The following CD200R1L variants were observed in gnomAD, a reference collection of about 807,000 sequenced individuals.
The protein encoded by CD200R1L is cell surface glycoprotein CD200 receptor 2.
A neutral mutation model predicts 24.8 loss-of-function variants in CD200R1L; 14 were observed. The observed-to-expected ratio is 0.56, with a 90% CI of 0.37 to 0.88. The LOEUF (loss-of-function observed/expected upper bound fraction) is 0.88, where lower values mean the gene tolerates loss of function less well. Ranked by LOEUF, CD200R1L falls within the 40% of genes least tolerant of loss-of-function variation. The pLI is 0.00. For synonymous variants in CD200R1L, 111 were observed against 109.2 expected, an observed-to-expected ratio of 1.02 and a Z score of -0.11; for missense variants, 299 against 297.8, an observed-to-expected ratio of 1.00 and a Z score of -0.03.
chr3:112,825,464 AAAG>A (rs1938636387), intron 6 of CD200R1L, among the ~76,000 whole-genome samples: 2 of 149,924 alleles, frequency 1.3e-5, no homozygotes, highest in African/African-American at 4.9e-5. Context: ...TAAATATTAC[AAAG>A]AAGCTAATTA....
intron 3 of CD200R1L, among the ~76,000 whole-genome samples, chr3:112,829,909 A>G (rs1938755665): frequency 6.6e-6 from 1 of 152,172 alleles, no homozygotes; most frequent in African/African-American, 2.4e-5. Flanking sequence ...TGTGCCTATC[A>G]TAAGGTCATG....
rs369693314 is a variant in CD200R1L, at chr3:112,826,985, G to A, written c.616+8C>T. ...AAGTTTACTCTTCTACAAGAAACAGGCGCTTACCTGAATTCAACTTTACGG... is the reference window on the plus strand; with the variant it reads ...AAGTTTACTCTTCTACAAGAAACAGACGCTTACCTGAATTCAACTTTACGG... On this transcript the variant is annotated splice_region_variant and intron_variant, in intron 6 of 7. Coordinates refer to ENST00000488794, the MANE Select transcript of CD200R1L (RefSeq NM_001199215.3). 22 of 1,589,304 alleles carry A rather than the reference G, an allele frequency of 1.4e-5. No homozygotes were observed. The African/African-American group carries it at 2.6e-4, about 19-fold the overall frequency.
In CD200R1L at chr3:112,819,905, C is replaced by T; in HGVS notation, c.617-10G>A. On this transcript the variant is annotated splice_polypyrimidine_tract_variant and intron_variant, in intron 6 of 7. Coordinates refer to ENST00000488794, the MANE Select transcript of CD200R1L (RefSeq NM_001199215.3). ...CCTGAGGTTCTGAGACCTTTAAATACAGACAGGGGTGAAAAATCATTTCAA... is the reference window on the plus strand; with the variant it reads ...CCTGAGGTTCTGAGACCTTTAAATATAGACAGGGGTGAAAAATCATTTCAA... The T allele has an allele frequency of 1.9e-6, 3 of 1,564,828 alleles. No homozygotes were observed. Among genetic ancestry groups the T allele is most frequent in the East Asian group, 2.3e-5 (1 of 43,438 alleles).
Position 112,827,085 on chromosome 3 carries a change from C to G in CD200R1L, c.524G>C (p.Ser175Thr). The G allele has an allele frequency of 6.2e-7, 1 of 1,613,362 alleles. No homozygotes were observed. Among genetic ancestry groups the G allele is most frequent in the South Asian group, 1.1e-5 (1 of 91,030 alleles). Residue 175 changes from serine (S) to threonine (T), a missense_variant, in exon 6 of 8, where the codon AGT becomes ACT. Coordinates refer to ENST00000488794, the MANE Select transcript of CD200R1L (RefSeq NM_001199215.3). ...YWGNGTVTVK[S>T]TCPWEGHKST... ...CTTGTGGCCCTCCCAGGGGCATGTACTCTTAACCGTCACTGTGCCATTGCC... is the reference window on the plus strand; with the variant it reads ...CTTGTGGCCCTCCCAGGGGCATGTAGTCTTAACCGTCACTGTGCCATTGCC...
intron 3 of CD200R1L, 160 bp from the exon 4 acceptor site, chr3:112,829,544 C>T (rs1193763639): frequency 2.3e-6 from 2 of 888,874 alleles, no homozygotes; most frequent in Non-Finnish European, 1.3e-6. Context: ...GTTATGCCAT[C>T]ATTAGAGGAA....
chr3:112,829,794 T>G (rs1938752810), intron 3 of CD200R1L, among the ~76,000 whole-genome samples: 1 of 152,238 alleles, frequency 6.6e-6, no homozygotes, highest in South Asian at 2.1e-4. Context: ...ACATTTTTTT[T>G]CCTTTTTAAC....
At chr3:112,835,222 A>G (rs928485521) in intron 3 of CD200R1L, among the ~76,000 whole-genome samples, 4 of 152,216 alleles carry the variant, frequency 2.6e-5, no homozygotes, top group African/African-American at 7.2e-5. Flanking sequence ...AGCTCAGAGG[A>G]GACCCGAGTG....
chr3:112,836,482 G>T (rs989578974), intron 3 of CD200R1L, among the ~76,000 whole-genome samples: 11 of 152,156 alleles, frequency 7.2e-5, no homozygotes, highest in African/African-American at 2.4e-4. Flanking sequence ...CATTAAATAT[G>T]CATAAATCAG....
chr3:112,838,522 A>G (rs1400665705), intron 2 of CD200R1L, among the ~76,000 whole-genome samples: 1 of 151,928 alleles, frequency 6.6e-6, no homozygotes, highest in Non-Finnish European at 1.5e-5. Context: ...CTCTCAAGGT[A>G]AAAAATGACA....
chr3:112,832,235 A>G (rs983270690), intron 3 of CD200R1L, among the ~76,000 whole-genome samples: 7 of 152,236 alleles, frequency 4.6e-5, no homozygotes, highest in African/African-American at 1.7e-4. Flanking sequence ...CACAAAGAAC[A>G]TTAAGGGCCT....
chr3:112,827,209 T>C lies in CD200R1L; in HGVS notation c.400A>G (p.Asn134Asp). The C allele has an allele frequency of 6.2e-7, 1 of 1,613,194 alleles. No individual in the cohort carries two copies. The highest frequency in any genetic ancestry group is 8.5e-7 in the Non-Finnish European group (1 of 1,179,792). ...ACTGCCTTGCATACTGCAGTTATAT[T>C]CCTGCTTTGAAATAGGTTCACTTCG... is the stretch of plus-strand genomic sequence containing the variant. Reference protein sequence around the residue: ...TPEVNLFQSRNITAVCKAVTG... With the variant: ...TPEVNLFQSRDITAVCKAVTG... The change falls in exon 6 of 8, where the codon AAT becomes GAT. Residue 134 changes from asparagine (N) to aspartate (D), a missense_variant. Physicochemically the swap from Asn to Asp is conservative, Grantham distance 23. Transcript: ENST00000488794.
In CD200R1L at chr3:112,815,824, C is replaced by A. The variant is rs902145238; in HGVS notation, c.*139G>T. On this transcript the variant is annotated 3_prime_UTR_variant, in exon 8 of 8. Coordinates refer to ENST00000488794, the MANE Select transcript of CD200R1L (RefSeq NM_001199215.3). ...AGCCCAGGATCCTTCTTCCATCTTT[C>A]TTTTCTTCTATCCTACTGAGTGGCT... is the stretch of plus-strand genomic sequence containing the variant. 1.1e-5 allele frequency: 7 copies of A among 639,036 alleles called. No individual in the cohort carries two copies. The Admixed American group carries it at 1.4e-4, about 13-fold the overall frequency. 39.6% of individuals were successfully genotyped at this position (639,036 alleles called of 1,614,324 possible). A position where few individuals can be genotyped will look rare whatever the true frequency, so the allele number is the denominator to read the frequency against.
In CD200R1L at chr3:112,845,775, C is replaced by G; in HGVS notation, c.-183G>C. The G allele has an allele frequency of 6.8e-7, 1 of 1,460,688 alleles. No individual in the cohort carries two copies. The allele number at this position is 1,460,688 out of a possible 1,614,324, so 90.5% of individuals were successfully genotyped here. On this transcript the variant is annotated 5_prime_UTR_variant, in exon 2 of 8. Coordinates refer to ENST00000488794, the MANE Select transcript of CD200R1L (RefSeq NM_001199215.3). ...GGTTTTCTACTTAAACATAAATCCA[C>G]TTTAAATCAATCAACAGACTTGGTG... is the stretch of plus-strand genomic sequence containing the variant.
Position 112,827,599 on chromosome 3 carries a change from T to A in CD200R1L, c.135A>T (p.Thr45=), listed in dbSNP as rs759946654. Residue 45 remains threonine, a synonymous_variant, in exon 5 of 8, where the codon ACA becomes ACT. Coordinates refer to ENST00000488794, the MANE Select transcript of CD200R1L (RefSeq NM_001199215.3). The part of the protein sequence containing the change: ...PIALRNLIII[T]WEIILRGQPS... ...GCTGGCCTCTCAGGATTATTTCCCA[T>A]GTTATTATGATCAAATTTCTTAATG... The A allele has an allele frequency of 6.2e-7, 1 of 1,614,020 alleles. No individual in the cohort carries two copies. The highest frequency in any genetic ancestry group is 8.5e-7 in the Non-Finnish European group (1 of 1,179,908).
chr3:112,820,587 C>A (rs555053700), intron 6 of CD200R1L, among the ~76,000 whole-genome samples: 2 of 151,916 alleles, frequency 1.3e-5, no homozygotes, highest in Non-Finnish European at 2.9e-5. Context: ...TGCACCACCA[C>A]GCCTGGCTAA....
intron 3 of CD200R1L, among the ~76,000 whole-genome samples, chr3:112,832,476 A>AC (rs756569728): frequency 5.3e-5 from 8 of 151,722 alleles, no homozygotes; most frequent in South Asian, 4.2e-4. Context: ...CCCCCAAACC[A>AC]CCCCCCTTGG....
At chr3:112,833,235 A>G (rs898804205) in intron 3 of CD200R1L, among the ~76,000 whole-genome samples, 1 of 152,240 alleles carries the variant, frequency 6.6e-6, no homozygotes. Flanking sequence ...TGTGCTCCAG[A>G]CCAAGAAAGG....
At chr3:112,833,103 A>G (rs1202173794) in intron 3 of CD200R1L, among the ~76,000 whole-genome samples, 1 of 152,208 alleles carries the variant, frequency 6.6e-6, no homozygotes, top group Non-Finnish European at 1.5e-5. Context: ...CCCCTCTCGA[A>G]AAAAGGACAA....
intron 7 of CD200R1L, among the ~76,000 whole-genome samples, chr3:112,819,192 C>A (rs1233857223): frequency 6.6e-6 from 1 of 152,132 alleles, no homozygotes; most frequent in African/African-American, 2.4e-5. Flanking sequence ...CACCAAGTCC[C>A]TCCCTCAACA....
Sources: gnomAD v4.1 joint callset for allele counts (sites outside exome capture counted in the v4.1 genomes callset) on GRCh38, gnomAD v4.1.1 for gene constraint, MANE v1.5 for transcripts, NCBI Gene and HGNC (gene_info 2026-07-23, HGNC 2026-07-21) for gene names.